GRIP2: variants seen among roughly 807,000 people sequenced by gnomAD.
GRIP2 encodes the protein glutamate receptor-interacting protein 2.
Under a neutral mutation model 108.3 loss-of-function variants are expected in GRIP2, and 58 were observed. That is an observed-to-expected ratio of 0.54 (90% CI 0.43 to 0.67). The LOEUF (loss-of-function observed/expected upper bound fraction) is 0.67, where lower values mean the gene tolerates loss of function less well. GRIP2 is among the 30% of genes least tolerant of loss of function. GRIP2 has a pLI of 0.00. For missense variants in GRIP2, 1,278 were observed against 1,430.6 expected, an observed-to-expected ratio of 0.89 and a Z score of 1.72; for synonymous variants, 586 against 598.2, an observed-to-expected ratio of 0.98 and a Z score of 0.30.
At chr3:14,518,389 G>A (rs991679619) in intron 9 of GRIP2, among the ~76,000 whole-genome samples, 1 of 152,168 alleles carries the variant, frequency 6.6e-6, no homozygotes, top group African/African-American at 2.4e-5. Context: ...CGACTCTCCA[G>A]GACAGCCTTT....
intron 1 of GRIP2, among the ~76,000 whole-genome samples, chr3:14,537,234 C>G (rs1694855962): frequency 6.6e-6 from 1 of 152,194 alleles, no homozygotes; most frequent in South Asian, 2.1e-4. Context: ...AAACTCTTCC[C>G]CAGACATCAT....
At chr3:14,583,531 CGGGAGGCT>C in the GRIP2 span, among the ~76,000 whole-genome samples, 62 of 152,222 alleles carry the variant, frequency 4.1e-4, no homozygotes, top group Middle Eastern at 3.4e-3. Context: ...GCTGGCAGGC[CGGGAGGCT>C]GGGAGGCTGG....
chr3:14,498,098 T>A (rs952446632), intron 21 of GRIP2, among the ~76,000 whole-genome samples: 1 of 152,216 alleles, frequency 6.6e-6, no homozygotes, highest in African/African-American at 2.4e-5. Context: ...TAGTGCATAG[T>A]TCTATCTGAC....
intron 1 of GRIP2, among the ~76,000 whole-genome samples, chr3:14,539,415 G>A (rs915082667): frequency 3.3e-5 from 5 of 152,146 alleles, no homozygotes; most frequent in Admixed American, 1.3e-4. Context: ...AAGCAGGGCT[G>A]GGGGCTCTGC....
rs398081906 is a variant in GRIP2 at position 14,491,626 on chromosome 3, AG to A, written c.*2038del. 6 of 118,422 alleles carry A rather than the reference AG, an allele frequency of 5.1e-5. No homozygotes were observed. The highest frequency in any genetic ancestry group is 7.2e-5 in the African/African-American group (2 of 27,866). 7.3% of individuals were successfully genotyped at this position (118,422 alleles called of 1,614,324 possible). A position where few individuals can be genotyped will look rare whatever the true frequency, so the allele number is the denominator to read the frequency against. ...GGCAGAGGCCTCAGCCCGAGGAGGG[AG>A]GGGGGTATTAGTTAGAGTCGGGTGC... On this transcript the variant is annotated 3_prime_UTR_variant, in exon 24 of 24. Coordinates refer to ENST00000621039, the MANE Select transcript of GRIP2 (RefSeq NM_001080423.4).
chr3:14,494,935 C>T lies in GRIP2; in HGVS notation c.2878G>A (p.Gly960Ser), dbSNP rs760308266. ...RHDFGFSVSD[G>S]LLEKGVYVHT... ...ACATAGACACCTTTTTCCAGGAGGC[C>T]ATCTGAGACGCTGAAACCAAAGTCA... Residue 960 changes from glycine (G) to serine (S), a missense_variant, in exon 23 of 24, where the codon GGC (glycine) becomes AGC (serine). By Grantham distance (56) the Gly-to-Ser change is moderately conservative (BLOSUM62 0). Transcript: ENST00000621039. 1 of 1,613,850 alleles carries T rather than the reference C, an allele frequency of 6.2e-7. No individual in the cohort carries two copies. Among genetic ancestry groups the T allele is most frequent in the Non-Finnish European group, 8.5e-7 (1 of 1,179,860 alleles).
intron 21 of GRIP2, among the ~76,000 whole-genome samples, chr3:14,501,113 C>A (rs574375706): frequency 7.2e-5 from 11 of 152,226 alleles, no homozygotes; most frequent in African/African-American, 2.4e-4. Flanking sequence ...AAAAGCCAGA[C>A]ACAAAAAGTC....
chr3:14,517,667 C>A, intron 10 of GRIP2, 105 bp downstream of exon 10: 1 of 1,428,690 alleles, frequency 7.0e-7, no homozygotes. Flanking sequence ...ACACCCAGCT[C>A]ACTAATCTCT....
At chr3:14,590,353 C>A in the GRIP2 span, among the ~76,000 whole-genome samples, 1 of 152,072 alleles carries the variant, frequency 6.6e-6, no homozygotes, top group African/African-American at 2.4e-5. Flanking sequence ...GTTGTAAATA[C>A]CACTCCTCCT....
intron 3 of GRIP2, among the ~76,000 whole-genome samples, chr3:14,525,036 A>T (rs1290868055): frequency 6.6e-6 from 1 of 152,202 alleles, no homozygotes; most frequent in African/African-American, 2.4e-5. Flanking sequence ...GGAACAGAGC[A>T]GTGCAGCTGC....
chr3:14,586,824 T>C, the GRIP2 span, among the ~76,000 whole-genome samples: 1 of 152,176 alleles, frequency 6.6e-6, no homozygotes, highest in Admixed American at 6.5e-5. Context: ...AAATAAACCA[T>C]GCCTGGAATG....
Position 14,517,061 on chromosome 3 carries a change from T to C in GRIP2, c.1306+3A>G. 6.4e-7 allele frequency: 1 copy of C among 1,554,966 alleles called. No homozygotes were observed. Among genetic ancestry groups the C allele is most frequent in the Non-Finnish European group, 8.7e-7 (1 of 1,151,240 alleles). On this transcript the variant is annotated splice_donor_region_variant and intron_variant, in intron 11 of 23. Coordinates refer to ENST00000621039, the MANE Select transcript of GRIP2 (RefSeq NM_001080423.4). ...AAGGAGGAGGGAAGAGACCACAGCTTACACGAGCTCTTGTGTTCCCTTCTT... is the reference window on the plus strand; with the variant it reads ...AAGGAGGAGGGAAGAGACCACAGCTCACACGAGCTCTTGTGTTCCCTTCTT...
chr3:14,601,055 A>ATC, the GRIP2 span, among the ~76,000 whole-genome samples: 1,218 of 149,470 alleles, frequency 8.1e-3, 7 homozygotes, highest in Middle Eastern at 0.045. Context: ...CGCCTCACCC[A>ATC]TCTCTCTCTC....
chr3:14,573,141 C>A, the GRIP2 span: 1 of 1,432,736 alleles, frequency 7.0e-7, no homozygotes, highest in African/African-American at 1.4e-5. Context: ...CCCAAAGGTG[C>A]AGAGGAAGAG....
rs775395395 is a variant in GRIP2, at chr3:14,496,524, G to A, written c.2716C>T (p.Leu906Phe). 6.2e-7 allele frequency: 1 copy of A among 1,612,694 alleles called. No homozygotes were observed. The highest frequency in any genetic ancestry group is 8.5e-7 in the Non-Finnish European group (1 of 1,179,442). The change falls in exon 22 of 24, where the codon CTC (leucine) becomes TTC (phenylalanine). Residue 906 changes from leucine to phenylalanine, a missense_variant. Transcript: ENST00000621039. ...GGCCGGTGGCCAGGCCTGCCCTCGAGGGCCACCCTCTGCACGGTGCCCGTC... is the reference window on the plus strand; with the variant it reads ...GGCCGGTGGCCAGGCCTGCCCTCGAAGGCCACCCTCTGCACGGTGCCCGTC... ...IMTGTVQRVALEGRPGHRPWQ... is the reference protein window; with the variant it reads ...IMTGTVQRVAFEGRPGHRPWQ...
chr3:14,595,180 G>A, the GRIP2 span, among the ~76,000 whole-genome samples: 3 of 152,074 alleles, frequency 2.0e-5, no homozygotes, highest in Admixed American at 6.5e-5. Context: ...CTACAGATGT[G>A]CGCCACCACA....
the GRIP2 span, among the ~76,000 whole-genome samples, chr3:14,575,462 G>A: frequency 6.6e-6 from 1 of 152,234 alleles, no homozygotes; most frequent in Non-Finnish European, 1.5e-5. Context: ...CTGGTTTTGA[G>A]TGGTGTGTGG....
At position 14,508,591 on chromosome 3, in the gene GRIP2, G is replaced by A. The variant is rs185268973; in HGVS notation, c.2079-891C>T. On this transcript the variant is annotated intron_variant, in intron 17 of 23. Transcript: ENST00000621039. ...GCACTTCCCCAGGGATGAGGATAGT[G>A]AGCGAGTCAGGGAATGGTGGGCTCC... 5.9e-5 allele frequency among the ~76,000 whole-genome samples: 9 copies of A among 152,262 alleles called. No individual in the cohort carries two copies. The East Asian group carries it at 1.5e-3, about 26-fold the overall frequency.
the GRIP2 span, among the ~76,000 whole-genome samples, chr3:14,569,839 C>T: frequency 2.6e-5 from 4 of 152,044 alleles, no homozygotes; most frequent in Admixed American, 6.6e-5. Flanking sequence ...AGTGACCTGC[C>T]GTGGTCCCAC....
Sources: allele counts gnomAD v4.1 joint callset (sites outside exome capture counted in the v4.1 genomes callset), GRCh38; gene constraint gnomAD v4.1.1; transcripts MANE v1.5; gene names NCBI Gene and HGNC (gene_info 2026-07-23, HGNC 2026-07-21).